The following COL19A1 variants were observed in gnomAD, a reference collection of about 807,000 sequenced individuals.
The protein encoded by COL19A1 is collagen type XIX alpha 1 chain, also known as collagen alpha-1(XIX) chain.
A neutral mutation model predicts 190.2 loss-of-function variants in COL19A1; 159 were observed. The observed-to-expected ratio is 0.84, with a 90% CI of 0.73 to 0.95. The LOEUF is 0.95. Ranked by LOEUF, COL19A1 falls within the 40% of genes least tolerant of loss-of-function variation. The probability of loss-of-function intolerance (pLI) is 0.00; values close to 1 mark genes in which losing one functional copy is unlikely to be tolerated. For synonymous variants in COL19A1, 509 were observed against 458.9 expected (o/e 1.11, Z -1.39); for missense variants, 1,418 against 1,431.9 (o/e 0.99, Z 0.16).
intron 4 of COL19A1, among the ~76,000 whole-genome samples, chr6:69,904,555 A>G (rs1561981251): frequency 1.3e-5 from 2 of 152,208 alleles, no homozygotes; most frequent in Non-Finnish European, 2.9e-5. Context: ...TATAAGCACT[A>G]TAAGAGGTGT....
intron 10 of COL19A1, among the ~76,000 whole-genome samples, chr6:69,960,721 C>CCGG (rs1207015839): frequency 3.3e-5 from 5 of 151,056 alleles, no homozygotes; most frequent in African/African-American, 9.7e-5. Context: ...GCTCTGCCTC[C>CCGG]GTTCACGCCA....
In COL19A1 at chr6:69,899,251, A is replaced by G. The variant is rs1430177644; in HGVS notation, c.166+229A>G. Among the ~76,000 whole-genome samples the G allele has an allele frequency of 2.0e-5, 3 of 148,134 alleles. No homozygotes were observed. In the Admixed American group the frequency reaches 2.1e-4, roughly 10 times the overall value. The stretch of plus-strand genomic sequence containing the variant: ...GTGATCTCAGCTTGCTGCAACCTCC[A>G]CCTCCTGGGTACGAGCAATTCTCCT... On this transcript the variant is annotated intron_variant, in intron 3 of 50. Coordinates refer to ENST00000620364, the MANE Select transcript of COL19A1 (RefSeq NM_001858.6).
In COL19A1 at chr6:70,181,778, C is replaced by G. The variant is rs79503197; in HGVS notation, c.2775+1255C>G. Among the ~76,000 whole-genome samples, 407 of 151,800 alleles carry G rather than the reference C, an allele frequency of 2.7e-3. 1 individual carries two copies. Among genetic ancestry groups the G allele is most frequent in the African/African-American group, 9.5e-3 (394 of 41,372 alleles). ...AATTTGCCTGCAATTTGAGCAGAAA[C>G]CTGCATAAAGTGAGAAGTCAAGCCA... On this transcript the variant is annotated intron_variant, in intron 44 of 50. Transcript: ENST00000620364.
rs528416997 is a variant in COL19A1, at chr6:70,110,962, A to G, written c.1278+8740A>G. On this transcript the variant is annotated intron_variant, in intron 16 of 50. Transcript: ENST00000620364. ...GTCACCAAACTTGTAATTAGTTGTG[A>G]TGGTGCCTGGATTCAACATCATTTC... Among the ~76,000 whole-genome samples the G allele has an allele frequency of 2.6e-5, 4 of 152,286 alleles. No individual in the cohort carries two copies. The South Asian group carries it at 6.2e-4, about 24-fold the overall frequency.
chr6:70,189,036 T>A (rs1766699587), intron 47 of COL19A1, among the ~76,000 whole-genome samples: 1 of 152,220 alleles, frequency 6.6e-6, no homozygotes, highest in Non-Finnish European at 1.5e-5. Flanking sequence ...TGTCAGTAAT[T>A]GGTATTAGTT....
At chr6:69,874,642 T>A (rs4492160) in intron 1 of COL19A1, among the ~76,000 whole-genome samples, 25,826 of 151,976 alleles carry the variant, frequency 0.17, 2,400 homozygotes, top group East Asian at 0.25. Context: ...TCCCAGCTAC[T>A]TGGGAGGCTG....
intron 11 of COL19A1, among the ~76,000 whole-genome samples, chr6:69,992,754 T>C (rs1001966162): frequency 7.2e-5 from 11 of 152,206 alleles, no homozygotes; most frequent in Non-Finnish European, 1.0e-4. Context: ...GGCTCTCAGC[T>C]TGGACATTGT....
At chr6:70,129,376 T>C (rs1176632761) in intron 17 of COL19A1, among the ~76,000 whole-genome samples, 1 of 152,210 alleles carries the variant, frequency 6.6e-6, no homozygotes, top group Non-Finnish European at 1.5e-5. Context: ...CTTTACCAAA[T>C]TGGCCAATTT....
At chr6:69,888,963 G>T (rs1769140162) in intron 2 of COL19A1, among the ~76,000 whole-genome samples, 1 of 152,122 alleles carries the variant, frequency 6.6e-6, no homozygotes, top group African/African-American at 2.4e-5. Context: ...TGTACAGGGG[G>T]GCTGAGGGGA....
intron 46 of COL19A1, among the ~76,000 whole-genome samples, chr6:70,185,765 G>A (rs1766475007): frequency 6.6e-6 from 1 of 152,106 alleles, no homozygotes; most frequent in African/African-American, 2.4e-5. Flanking sequence ...ATTCTATTAA[G>A]GGTTGCTATT....
chr6:70,146,984 G>C, intron 27 of COL19A1, 95 bp downstream of exon 27: 1 of 1,106,650 alleles, frequency 9.0e-7, no homozygotes, highest in Non-Finnish European at 1.3e-6. Flanking sequence ...AGAAAGGTCA[G>C]AGACGGAAAT....
intron 15 of COL19A1, among the ~76,000 whole-genome samples, chr6:70,071,521 C>T (rs1211644589): frequency 1.3e-5 from 2 of 152,034 alleles, no homozygotes; most frequent in East Asian, 3.9e-4. Flanking sequence ...TGTTTTATTT[C>T]TCAACTTCCT....
At chr6:70,148,976 A>C (rs1242405103) in intron 27 of COL19A1, among the ~76,000 whole-genome samples, 3 of 151,932 alleles carry the variant, frequency 2.0e-5, no homozygotes, top group African/African-American at 7.2e-5. Flanking sequence ...GTGGTTGAGG[A>C]AAAAATCACT....
At chr6:69,924,156 G>T (rs1056210051) in intron 4 of COL19A1, among the ~76,000 whole-genome samples, 12 of 152,164 alleles carry the variant, frequency 7.9e-5, no homozygotes, top group African/African-American at 2.6e-4. Context: ...ACAATGTGCA[G>T]GTTTGTTACA....
chr6:70,008,239 A>G (rs996319174), intron 11 of COL19A1, among the ~76,000 whole-genome samples: 1 of 151,890 alleles, frequency 6.6e-6, no homozygotes, highest in Non-Finnish European at 1.5e-5. Context: ...ACAGAAAACT[A>G]ATACCATCAA....
chr6:69,984,402 A>G (rs1776206059), intron 11 of COL19A1, among the ~76,000 whole-genome samples: 1 of 151,104 alleles, frequency 6.6e-6, no homozygotes, highest in Non-Finnish European at 1.5e-5. Flanking sequence ...AGTTGATTTT[A>G]AAGACAATCT....
At chr6:70,033,934 A>T (rs1004991512) in intron 12 of COL19A1, among the ~76,000 whole-genome samples, 5 of 152,166 alleles carry the variant, frequency 3.3e-5, no homozygotes, top group African/African-American at 1.2e-4. Flanking sequence ...ATTTAATCCA[A>T]AGTGGATACT....
intron 44 of COL19A1, 65 bp from the exon 45 acceptor site, chr6:70,184,638 T>C: frequency 7.7e-7 from 1 of 1,291,086 alleles, no homozygotes; most frequent in South Asian, 1.4e-5. Flanking sequence ...CGAAACCTTA[T>C]GCTTTTGTTG....
rs1165295707 is a variant in COL19A1, at chr6:70,193,438, A to G, written c.3094+3057A>G. Among the ~76,000 whole-genome samples the G allele has an allele frequency of 3.9e-5, 6 of 152,086 alleles. No homozygotes were observed. In the South Asian group the frequency reaches 1.2e-3, roughly 32 times the overall value. Reference sequence around the variant, plus strand: ...AGTTCCTGCCCCTCCTTCCTCTGTCACAGCCCACCTGCCTGGAAGCTGACA... The same window carrying G: ...AGTTCCTGCCCCTCCTTCCTCTGTCGCAGCCCACCTGCCTGGAAGCTGACA... On this transcript the variant is annotated intron_variant, in intron 48 of 50. Coordinates refer to ENST00000620364, the MANE Select transcript of COL19A1 (RefSeq NM_001858.6).
Sources: allele counts gnomAD v4.1 joint callset (sites outside exome capture counted in the v4.1 genomes callset), GRCh38; gene constraint gnomAD v4.1.1; transcripts MANE v1.5; gene names NCBI Gene and HGNC (gene_info 2026-07-23, HGNC 2026-07-21).